The following HECW2 variants were observed in gnomAD, a reference collection of about 807,000 sequenced individuals.
The protein encoded by HECW2 is HECT, C2 and WW domain containing E3 ubiquitin protein ligase 2, also known as E3 ubiquitin-protein ligase HECW2.
HECW2 carries 61 observed loss-of-function variants against 175.2 expected under a neutral mutation model. The observed-to-expected ratio is 0.35, with a 90% CI of 0.28 to 0.43. The LOEUF (loss-of-function observed/expected upper bound fraction) is 0.43. HECW2 is among the 20% of genes least tolerant of loss of function. The pLI is 1.00. For synonymous variants in HECW2, 671 were observed against 731.0 expected, an observed-to-expected ratio of 0.92 and a Z score of 1.32; for missense variants, 1,524 against 2,000.5, an observed-to-expected ratio of 0.76 and a Z score of 4.54.
At chr2:196,457,284 G>A (rs565695575) in intron 1 of HECW2, among the ~76,000 whole-genome samples, 1 of 152,118 alleles carries the variant, frequency 6.6e-6, no homozygotes, top group East Asian at 1.9e-4. Flanking sequence ...AGAGAATCTC[G>A]CCTGATCCAT....
At chr2:196,586,571 A>AG (rs1350307260) in intron 1 of HECW2, 5 of 152,114 alleles carry the variant, frequency 3.3e-5, no homozygotes, top group African/African-American at 1.2e-4. Context: ...TATTTCCTCA[A>AG]GATCAGAGGG....
At chr2:196,554,396 T>A (rs1257932283) in intron 1 of HECW2, among the ~76,000 whole-genome samples, 1 of 152,212 alleles carries the variant, frequency 6.6e-6, no homozygotes, top group Non-Finnish European at 1.5e-5. Flanking sequence ...TGGCTCATCA[T>A]CGTATTGATG....
At chr2:196,488,890 C>T (rs2125383875) in intron 1 of HECW2, among the ~76,000 whole-genome samples, 1 of 152,228 alleles carries the variant, frequency 6.6e-6, no homozygotes, top group African/African-American at 2.4e-5. Flanking sequence ...AGTGCCTACA[C>T]ATAAGAAGCA....
intron 13 of HECW2, among the ~76,000 whole-genome samples, chr2:196,304,135 C>T (rs955170354): frequency 6.6e-6 from 1 of 152,176 alleles, no homozygotes; most frequent in Non-Finnish European, 1.5e-5. Context: ...TCATGCAAGC[C>T]CAACCTTCTG....
chr2:196,307,976 C>T lies in HECW2; in HGVS notation c.2544G>A (p.Gln848=), dbSNP rs1158038191. Residue 848 remains glutamine, a synonymous_variant, in exon 11 of 29, where the codon CAG becomes CAA. Transcript: ENST00000644978. ...CCATTTGCTGTATGGAGTTAGATCT[C>T]TGCAGCACCTGCGGGGCTGGGGGAG... ...PTAPPAPQVL[Q]RSNSIQQMEQ... The T allele has an allele frequency of 1.2e-6, 2 of 1,602,810 alleles. No individual in the cohort carries two copies. The highest frequency in any genetic ancestry group is 1.7e-6 in the Non-Finnish European group (2 of 1,171,914).
intron 2 of HECW2, among the ~76,000 whole-genome samples, chr2:196,354,136 G>A (rs975081024): frequency 5.3e-5 from 8 of 152,208 alleles, no homozygotes; most frequent in African/African-American, 1.9e-4. Context: ...CCCAGCTCTG[G>A]AGCCACAGGC....
intron 2 of HECW2, among the ~76,000 whole-genome samples, chr2:196,402,331 T>G (rs1694845004): frequency 6.6e-6 from 1 of 152,038 alleles, no homozygotes; most frequent in South Asian, 2.1e-4. Flanking sequence ...TTAACAGACC[T>G]TGAGTTTCAT....
intron 3 of HECW2, among the ~76,000 whole-genome samples, chr2:196,336,327 G>C (rs1340873973): frequency 6.6e-6 from 1 of 152,194 alleles, no homozygotes; most frequent in Non-Finnish European, 1.5e-5. Context: ...CATGTAGTCT[G>C]CAAGAACAAA....
At chr2:196,284,960 A>G (rs1690328516) in intron 14 of HECW2, among the ~76,000 whole-genome samples, 1 of 152,210 alleles carries the variant, frequency 6.6e-6, no homozygotes, top group Non-Finnish European at 1.5e-5. Flanking sequence ...AAGGAAATTC[A>G]CTCAAGCTTT....
chr2:196,382,898 T>C (rs1171485483), intron 2 of HECW2, among the ~76,000 whole-genome samples: 1 of 152,160 alleles, frequency 6.6e-6, no homozygotes, highest in African/African-American at 2.4e-5. Context: ...TTTATTCTAT[T>C]TTCTGTATTT....
At chr2:196,412,484 A>T (rs975563721) in intron 2 of HECW2, among the ~76,000 whole-genome samples, 9 of 152,224 alleles carry the variant, frequency 5.9e-5, no homozygotes, top group Non-Finnish European at 1.3e-4. Flanking sequence ...CAGCATCTGG[A>T]TTATAGAAGG....
chr2:196,208,562 G>A lies in HECW2; in HGVS notation c.4608-7174C>T, dbSNP rs556571123. Among the ~76,000 whole-genome samples, 4 of 152,348 alleles carry A rather than the reference G, an allele frequency of 2.6e-5. No homozygotes were observed. The East Asian group carries it at 7.7e-4, about 29-fold the overall frequency. Reference sequence around the variant, plus strand: ...AATTGGGTCAAGCCTAGTGAAGGAAGTAAGGGGTGAAAGAGTGACAGGTGC... The same window carrying A: ...AATTGGGTCAAGCCTAGTGAAGGAAATAAGGGGTGAAAGAGTGACAGGTGC... On this transcript the variant is annotated intron_variant, in intron 28 of 28. Coordinates refer to ENST00000644978, the MANE Select transcript of HECW2 (RefSeq NM_001348768.2).
At chr2:196,278,476 T>C in intron 15 of HECW2, 52 bp downstream of exon 15, 1 of 1,550,812 alleles carries the variant, frequency 6.4e-7, no homozygotes, top group Non-Finnish European at 8.8e-7. Context: ...AACCATCACA[T>C]ACTAGAAGCT....
chr2:196,451,794 G>A (rs1696356131), intron 1 of HECW2, among the ~76,000 whole-genome samples: 1 of 152,196 alleles, frequency 6.6e-6, no homozygotes, highest in Admixed American at 6.5e-5. Flanking sequence ...AGCTACTTGG[G>A]AGGCTGAGGT....
chr2:196,486,993 C>A (rs1575598602), intron 1 of HECW2, among the ~76,000 whole-genome samples: 1 of 151,994 alleles, frequency 6.6e-6, no homozygotes, highest in East Asian at 1.9e-4. Flanking sequence ...TAAAAATTAG[C>A]CAGGCATGAG....
At chr2:196,254,722 A>G (rs1482942749) in intron 18 of HECW2, among the ~76,000 whole-genome samples, 2 of 152,232 alleles carry the variant, frequency 1.3e-5, no homozygotes. Context: ...AGAAACTGCA[A>G]TGCCACTAAG....
intron 1 of HECW2, among the ~76,000 whole-genome samples, chr2:196,461,754 G>T (rs565428614): frequency 1.3e-5 from 2 of 152,210 alleles, no homozygotes; most frequent in East Asian, 3.9e-4. Flanking sequence ...AAAACCATCA[G>T]ATCTCGTGAG....
intron 13 of HECW2, among the ~76,000 whole-genome samples, chr2:196,305,839 T>A (rs1691236864): frequency 6.6e-6 from 1 of 152,182 alleles, no homozygotes; most frequent in Non-Finnish European, 1.5e-5. Flanking sequence ...CCTGCTAGAC[T>A]TCTATGGCCA....
chr2:196,414,173 G>A (rs1028126517), intron 2 of HECW2, among the ~76,000 whole-genome samples: 4 of 152,144 alleles, frequency 2.6e-5, no homozygotes, highest in African/African-American at 9.7e-5. Flanking sequence ...TTCAAAAGTG[G>A]TTCTCTCCAG....
Sources: gnomAD v4.1 joint callset for allele counts (sites outside exome capture counted in the v4.1 genomes callset) on GRCh38, gnomAD v4.1.1 for gene constraint, MANE v1.5 for transcripts, NCBI Gene and HGNC (gene_info 2026-07-23, HGNC 2026-07-21) for gene names.